PLCE1: variants seen among roughly 807,000 people sequenced by gnomAD.
PLCE1 encodes the protein phospholipase C epsilon 1.
PLCE1 carries 119 observed loss-of-function variants against 242.8 expected under a neutral mutation model. The observed-to-expected ratio is 0.49, with a 90% CI of 0.42 to 0.57. The LOEUF is 0.57. PLCE1 is among the 20% of genes least tolerant of loss of function. The pLI is 0.00. For synonymous variants in PLCE1, 945 were observed against 1,017.4 expected, an observed-to-expected ratio of 0.93 and a Z score of 1.35; for missense variants, 2,441 against 2,788.8, an observed-to-expected ratio of 0.88 and a Z score of 2.81.
intron 1 of PLCE1, among the ~76,000 whole-genome samples, chr10:94,022,800 G>A (rs1022384949): frequency 6.6e-6 from 1 of 152,112 alleles, no homozygotes; most frequent in African/African-American, 2.4e-5. Flanking sequence ...GAAACAGAAG[G>A]AAGTCAGTTT....
chr10:94,076,141 G>C (rs2044493656), intron 2 of PLCE1, among the ~76,000 whole-genome samples: 1 of 151,958 alleles, frequency 6.6e-6, no homozygotes, highest in South Asian at 2.1e-4. Context: ...GCGTGTGTGT[G>C]TGTGTGTGTG....
At chr10:94,066,010 G>A (rs1264307861) in intron 2 of PLCE1, among the ~76,000 whole-genome samples, 2 of 152,116 alleles carry the variant, frequency 1.3e-5, no homozygotes, top group African/African-American at 2.4e-5. Flanking sequence ...CTTTAAAGAG[G>A]CAGTATTTTG....
intron 2 of PLCE1, among the ~76,000 whole-genome samples, chr10:94,060,842 G>A (rs574026808): frequency 1.8e-4 from 28 of 151,766 alleles, no homozygotes; most frequent in African/African-American, 5.3e-4. Context: ...GACTACAGGC[G>A]CATGTCACCA....
intron 7 of PLCE1, among the ~76,000 whole-genome samples, chr10:94,239,885 A>G (rs946996476): frequency 6.6e-6 from 1 of 152,180 alleles, no homozygotes; most frequent in Non-Finnish European, 1.5e-5. Flanking sequence ...CTCCACAGGG[A>G]AGGATGCAGA....
intron 3 of PLCE1, chr10:94,138,577 T>C: frequency 2.2e-6 from 1 of 456,098 alleles, no homozygotes. Flanking sequence ...TTAGGTTGCT[T>C]CAATCTGAAC....
chr10:94,241,805 A>C (rs1307395404), intron 7 of PLCE1, among the ~76,000 whole-genome samples: 1 of 151,830 alleles, frequency 6.6e-6, no homozygotes, highest in Admixed American at 6.6e-5. Flanking sequence ...AAAAAAAAAA[A>C]AAGCCCCTCT....
In PLCE1 at chr10:94,031,220, C is replaced by T. The variant is rs761575973; in HGVS notation, c.174C>T (p.Asn58=). ...GETSHTISQL[N]KLKEEPSGSN... ...CTTCTCATACCATCTCACAACTGAA[C>T]AAACTTAAAGAAGAACCTTCTGGAA... Residue 58 remains asparagine (N), a synonymous_variant, in exon 2 of 33, where the codon AAC becomes AAT. Coordinates refer to ENST00000371380, the MANE Select transcript of PLCE1 (RefSeq NM_016341.4). The T allele has an allele frequency of 5.1e-5, 82 of 1,613,626 alleles. No homozygotes were observed. The highest frequency in any genetic ancestry group is 1.6e-4 in the Middle Eastern group (1 of 6,080).
At chr10:94,007,976 G>A (rs796931512) in intron 1 of PLCE1, among the ~76,000 whole-genome samples, 3 of 150,594 alleles carry the variant, frequency 2.0e-5, no homozygotes, top group African/African-American at 7.3e-5. Context: ...CTAGGAGTTC[G>A]AGGCCAGCAT....
At chr10:94,314,612 T>C (rs1446082872) in intron 28 of PLCE1, among the ~76,000 whole-genome samples, 2 of 151,950 alleles carry the variant, frequency 1.3e-5, no homozygotes, top group Admixed American at 6.6e-5. Context: ...AAAAAAGAAT[T>C]CCTTCTCCTG....
At chr10:94,004,846 A>G (rs898375304) in intron 1 of PLCE1, among the ~76,000 whole-genome samples, 4 of 152,228 alleles carry the variant, frequency 2.6e-5, no homozygotes, top group African/African-American at 9.6e-5. Context: ...ATGATCATGC[A>G]GGTGGGGACC....
intron 14 of PLCE1, among the ~76,000 whole-genome samples, chr10:94,263,975 G>A (rs2051409961): frequency 1.3e-5 from 2 of 152,232 alleles, no homozygotes; most frequent in Admixed American, 6.5e-5. Context: ...GTCATTAAAT[G>A]AACATGCACT....
chr10:94,277,073 TA>T (rs1045119941), intron 19 of PLCE1, among the ~76,000 whole-genome samples: 7 of 152,098 alleles, frequency 4.6e-5, no homozygotes, highest in Admixed American at 1.3e-4. Context: ...TCATTTCCCA[TA>T]CAAAGAACTC....
At chr10:94,188,509 G>A (rs927992441) in intron 4 of PLCE1, among the ~76,000 whole-genome samples, 2 of 152,144 alleles carry the variant, frequency 1.3e-5, no homozygotes, top group Non-Finnish European at 2.9e-5. Context: ...CTATCCTTCT[G>A]ACTCCACGTC....
chr10:94,118,469 T>C (rs1223617039), intron 2 of PLCE1, among the ~76,000 whole-genome samples: 1 of 152,112 alleles, frequency 6.6e-6, no homozygotes. Context: ...ATAATTCCCA[T>C]GTGTTGTGGG....
chr10:94,115,530 T>G (rs4360628), intron 2 of PLCE1, among the ~76,000 whole-genome samples: 1 of 152,176 alleles, frequency 6.6e-6, no homozygotes, highest in Non-Finnish European at 1.5e-5. Flanking sequence ...ATGATCAGCA[T>G]TTTTTCATGT....
chr10:94,013,387 C>A (rs528613372), intron 1 of PLCE1, among the ~76,000 whole-genome samples: 1 of 152,260 alleles, frequency 6.6e-6, no homozygotes, highest in East Asian at 1.9e-4. Context: ...TGTGAACTGC[C>A]CCCCTCCCTG....
intron 2 of PLCE1, among the ~76,000 whole-genome samples, chr10:94,039,702 T>C (rs1402748918): frequency 6.6e-6 from 1 of 152,176 alleles, no homozygotes; most frequent in Non-Finnish European, 1.5e-5. Context: ...CTCCACATCT[T>C]GAACAGTGTT....
intron 22 of PLCE1, among the ~76,000 whole-genome samples, chr10:94,289,762 G>A (rs1464126898): frequency 6.6e-6 from 1 of 152,174 alleles, no homozygotes; most frequent in Non-Finnish European, 1.5e-5. Context: ...GTTGCTCTAG[G>A]TGGATCAGTG....
intron 2 of PLCE1, chr10:94,088,928 T>G: frequency 1.8e-6 from 1 of 571,330 alleles, no homozygotes; most frequent in Non-Finnish European, 2.8e-6. Context: ...AAAAGTTATG[T>G]TTCACAGAGG....
Sources: gnomAD v4.1 joint callset for allele counts (sites outside exome capture counted in the v4.1 genomes callset) on GRCh38, gnomAD v4.1.1 for gene constraint, MANE v1.5 for transcripts, NCBI Gene and HGNC (gene_info 2026-07-23, HGNC 2026-07-21) for gene names.